Variants in HMGB1 observed in about 807,000 individuals in gnomAD.
The protein encoded by HMGB1 is high mobility group protein B1.
For synonymous variants in HMGB1, 81 were observed against 84.0 expected, an observed-to-expected ratio of 0.96 and a Z score of 0.19; for missense variants, 79 against 253.5, an observed-to-expected ratio of 0.31 and a Z score of 4.67.
In HMGB1 at chr13:30,463,101, C is replaced by T. The variant is rs566370254; in HGVS notation, c.296+106G>A. Reference sequence around the variant, plus strand: ...ATATGAACAAGTATTAGCTAAGAAACTTTGATTGTACATTTACACTCTAAA... The same window carrying T: ...ATATGAACAAGTATTAGCTAAGAAATTTTGATTGTACATTTACACTCTAAA... On this transcript the variant is annotated intron_variant, in intron 3 of 4. Transcript: ENST00000341423. 2,177 of 1,140,112 alleles carry T rather than the reference C, an allele frequency of 1.9e-3. 4 individuals carry two copies. The highest frequency in any genetic ancestry group is 2.6e-3 in the Non-Finnish European group (2,050 of 778,866). 70.6% of individuals were successfully genotyped at this position (1,140,112 alleles called of 1,614,324 possible).
At chr13:30,494,511 G>A (rs537596326) in intron 1 of HMGB1, among the ~76,000 whole-genome samples, 21 of 152,172 alleles carry the variant, frequency 1.4e-4, no homozygotes, top group African/African-American at 4.6e-4. Context: ...ACAGGCGTGC[G>A]CCACCAAGCC....
At chr13:30,566,430 T>C (rs1593316149) in intron 1 of HMGB1, among the ~76,000 whole-genome samples, 1 of 152,212 alleles carries the variant, frequency 6.6e-6, no homozygotes, top group African/African-American at 2.4e-5. Flanking sequence ...CCCTCCACAA[T>C]ACATACATGA....
chr13:30,606,649 A>G (rs1277088390), intron 1 of HMGB1, among the ~76,000 whole-genome samples: 2 of 152,240 alleles, frequency 1.3e-5, no homozygotes, highest in African/African-American at 4.8e-5. Context: ...TATGCTCTAC[A>G]TGCTTATGTC....
intron 1 of HMGB1, among the ~76,000 whole-genome samples, chr13:30,514,575 G>A (rs1211537686): frequency 1.3e-5 from 2 of 151,968 alleles, no homozygotes. Flanking sequence ...ACTGATTGTA[G>A]TATTCATTTT....
chr13:30,591,747 C>T (rs553909718), intron 1 of HMGB1, among the ~76,000 whole-genome samples: 2 of 152,188 alleles, frequency 1.3e-5, no homozygotes, highest in East Asian at 1.9e-4. Context: ...AGCGATCCTC[C>T]CACCTTGGCC....
intron 1 of HMGB1, chr13:30,554,002 T>C: frequency 6.7e-7 from 1 of 1,484,948 alleles, no homozygotes; most frequent in Non-Finnish European, 9.4e-7. Context: ...GCAGTTGTTG[T>C]GCTGAACCGC....
At chr13:30,477,878 G>A (rs1456735898) in intron 1 of HMGB1, among the ~76,000 whole-genome samples, 2 of 152,196 alleles carry the variant, frequency 1.3e-5, no homozygotes, top group South Asian at 4.1e-4. Flanking sequence ...TGCCCAAAGC[G>A]GTTTGTAAGG....
At chr13:30,534,148 G>A (rs562781443) in intron 1 of HMGB1, among the ~76,000 whole-genome samples, 5 of 152,240 alleles carry the variant, frequency 3.3e-5, no homozygotes, top group South Asian at 4.1e-4. Flanking sequence ...GTGAGCCACC[G>A]CGCCTGGCCC....
At position 30,552,074 on chromosome 13, in the gene HMGB1, C is replaced by T. The variant is rs116014715; in HGVS notation, c.-15+64597G>A. On this transcript the variant is annotated intron_variant, in intron 1 of 4. Coordinates refer to the HMGB1 transcript ENST00000405805. ...ACAAGCCCATCCCAGACTGCTCCTCCCCAACCCCTGCCCATGGCCCTCAAT... is the reference window on the plus strand; with the variant it reads ...ACAAGCCCATCCCAGACTGCTCCTCTCCAACCCCTGCCCATGGCCCTCAAT... Among the ~76,000 whole-genome samples the T allele has an allele frequency of 6.3e-3, 966 of 152,224 alleles. 10 individuals carry two copies. The highest frequency in any genetic ancestry group is 0.022 in the African/African-American group (912 of 41,528).
At chr13:30,554,825 T>C (rs751353208) in intron 1 of HMGB1, 1 of 755,970 alleles carries the variant, frequency 1.3e-6, no homozygotes, top group Non-Finnish European at 2.5e-6. Context: ...CTAATATTCA[T>C]GACTTGAGAA....
At chr13:30,608,787 A>G (rs1001444193) in intron 1 of HMGB1, among the ~76,000 whole-genome samples, 87 of 152,328 alleles carry the variant, frequency 5.7e-4, no homozygotes, top group African/African-American at 1.9e-3. Flanking sequence ...AACTTTTTTC[A>G]GTAAACTTAA....
At chr13:30,580,518 T>C (rs1464883677) in intron 1 of HMGB1, among the ~76,000 whole-genome samples, 1 of 152,116 alleles carries the variant, frequency 6.6e-6, no homozygotes, top group Non-Finnish European at 1.5e-5. Context: ...AGGAGAGCAA[T>C]TTACCAAAAA....
intron 1 of HMGB1, among the ~76,000 whole-genome samples, chr13:30,508,726 C>T (rs1887925781): frequency 6.6e-6 from 1 of 152,104 alleles, no homozygotes; most frequent in Admixed American, 6.6e-5. Context: ...GAATTTTTCT[C>T]TCAAATTTCT....
chr13:30,463,184 G>A (rs372372227), intron 3 of HMGB1, 23 bp downstream of exon 3: 505 of 1,597,524 alleles, frequency 3.2e-4, no homozygotes, highest in Non-Finnish European at 3.5e-4. Flanking sequence ...TGTCTGGGAA[G>A]TAAAAACAGG....
At chr13:30,502,540 T>G (rs1208323535) in intron 1 of HMGB1, among the ~76,000 whole-genome samples, 2 of 152,348 alleles carry the variant, frequency 1.3e-5, no homozygotes, top group African/African-American at 4.8e-5. Context: ...CATGGATGTA[T>G]AGGCACATCA....
intron 1 of HMGB1, among the ~76,000 whole-genome samples, chr13:30,588,418 G>A (rs895862488): frequency 3.3e-5 from 5 of 152,034 alleles, no homozygotes; most frequent in Non-Finnish European, 7.4e-5. Flanking sequence ...CCTGATCGGG[G>A]ATACAATATA....
In HMGB1 at chr13:30,500,536, ATTTT is replaced by A. The variant is rs60691018; in HGVS notation, c.-14-36846_-14-36843del. 2.3e-4 allele frequency among the ~76,000 whole-genome samples: 30 copies of A among 128,466 alleles called. No homozygotes were observed. In the South Asian group the frequency reaches 5.3e-3, roughly 23 times the overall value. 84.3% of individuals were successfully genotyped at this position (128,466 alleles called of 152,430 possible). ...ATGTGTGTGCTCCCTCACCTGGCTAATTTTTTTTTTTTTTTTTTTTTTTGAGACA... is the reference window on the plus strand; with the variant it reads ...ATGTGTGTGCTCCCTCACCTGGCTAATTTTTTTTTTTTTTTTTTTGAGACA... On this transcript the variant is annotated intron_variant, in intron 1 of 4. Transcript: ENST00000405805.
At chr13:30,575,174 TTATG>T (rs951992973) in intron 1 of HMGB1, among the ~76,000 whole-genome samples, 1 of 152,238 alleles carries the variant, frequency 6.6e-6, no homozygotes, top group Non-Finnish European at 1.5e-5. Flanking sequence ...AAGTTCATGC[TTATG>T]TAGTTAGTAA....
chr13:30,546,181 T>A lies in HMGB1; in HGVS notation c.-15+70490A>T, dbSNP rs1303582555. On this transcript the variant is annotated intron_variant, in intron 1 of 4. Transcript: ENST00000405805. ...GCCAGGCTGGAGTTCAGTAGCGTGA[T>A]CTCAGCCCACTGTAATCTCTGCCTC... Among the ~76,000 whole-genome samples the A allele has an allele frequency of 5.3e-5, 8 of 152,154 alleles. No homozygotes were observed. The East Asian group carries it at 1.5e-3, about 29-fold the overall frequency.
Sources: allele counts gnomAD v4.1 joint callset (sites outside exome capture counted in the v4.1 genomes callset), GRCh38; gene constraint gnomAD v4.1.1; transcripts MANE v1.5; gene names NCBI Gene and HGNC (gene_info 2026-07-23, HGNC 2026-07-21).